The following XPNPEP2 variants were observed in gnomAD, a reference collection of about 807,000 sequenced individuals.
XPNPEP2 encodes the protein xaa-Pro aminopeptidase 2.
A neutral mutation model predicts 59.8 loss-of-function variants in XPNPEP2; 64 were observed. The ratio of observed to expected loss-of-function variants is 1.07; its 90% CI spans 0.87 to 1.32. XPNPEP2 has a LOEUF of 1.32. Among genes scored for constraint, XPNPEP2 ranks in the 40% most tolerant of loss-of-function variants. The pLI is 0.00. For synonymous variants in XPNPEP2, 235 were observed against 210.0 expected (o/e 1.12, Z -1.03); for missense variants, 575 against 546.8 (o/e 1.05, Z -0.51).
intron 1 of XPNPEP2, among the ~76,000 whole-genome samples, chrX:129,739,894 G>A (rs1274880400): frequency 4.5e-5 from 5 of 112,248 alleles, no homozygotes; most frequent in African/African-American, 6.5e-5. Context: ...TCATTCCTGC[G>A]GCACCCTCTC....
chrX:129,740,871 G>A (rs756292907), intron 1 of XPNPEP2, among the ~76,000 whole-genome samples: 124 of 106,616 alleles, frequency 1.2e-3, no homozygotes, highest in Non-Finnish European at 1.0e-3. Context: ...GAACCCGGGA[G>A]GCGGAGGTTG....
At chrX:129,749,557 T>C (rs191794393) in intron 7 of XPNPEP2, among the ~76,000 whole-genome samples, 1 of 113,594 alleles carries the variant, frequency 8.8e-6, no homozygotes, top group African/African-American at 3.2e-5. Flanking sequence ...TATGCTCATA[T>C]CTGAACCCAA....
rs954781336 is a variant in XPNPEP2, at chrX:129,745,202, G to C, written c.235-1G>C. The C allele has an allele frequency of 8.3e-7, 1 of 1,211,601 alleles. No homozygotes were observed. The highest frequency in any genetic ancestry group is 1.1e-6 in the Non-Finnish European group (1 of 895,466). On this transcript the variant is annotated splice_acceptor_variant, in intron 3 of 20. Coordinates refer to ENST00000371106, the MANE Select transcript of XPNPEP2 (RefSeq NM_003399.6). LOFTEE classifies it high-confidence loss of function. ...TAATGATGGTGTTGTTGATTTCCTA[G>C]AACGAGTACATCGGCCAACATGACG...
chrX:129,768,323 C>G lies in XPNPEP2; in HGVS notation c.1863C>G (p.Ile621Met). ...ACCTGAATCGCTACTACCAGACCAT[C>G]CGGGAGAAGGTGGGTCCAGAGCTGC... ...LQYLNRYYQTIREKVGPELQR... is the reference protein window; with the variant it reads ...LQYLNRYYQTMREKVGPELQR... The change falls in exon 21 of 21, where the codon ATC becomes ATG. Residue 621 changes from isoleucine to methionine, a missense_variant. Ile to Met is a conservative substitution (Grantham distance 10). Transcript: ENST00000371106. The G allele has an allele frequency of 8.4e-7, 1 of 1,196,470 alleles. No individual in the cohort carries two copies. Among genetic ancestry groups the G allele is most frequent in the Non-Finnish European group, 1.1e-6 (1 of 889,110 alleles).
intron 14 of XPNPEP2, among the ~76,000 whole-genome samples, chrX:129,757,940 AAAGAAAGAAAGAAAG>A (rs1926583754): frequency 9.3e-6 from 1 of 107,972 alleles, no homozygotes; most frequent in Non-Finnish European, 1.9e-5. Context: ...AGAAAGAAAG[AAAGAAAGAAAGAAAG>A]AAAGAAAAAG....
At position 129,750,542 on chromosome X, in the gene XPNPEP2, C is replaced by A. The variant is rs1316035895; in HGVS notation, c.712C>A (p.Leu238Ile). 1.0e-5 allele frequency: 12 copies of A among 1,188,487 alleles called. No individual in the cohort carries two copies. The highest frequency in any genetic ancestry group is 1.4e-5 in the Non-Finnish European group (12 of 884,619). The stretch of plus-strand genomic sequence containing the variant: ...GCATCAAAAGGTCCCGACTGCCGTC[C>A]TTCTGTCGGCGCTTGAGGAGACGGC... Reference protein sequence around the residue: ...QKHQKVPTAVLLSALEETAWL... With the variant: ...QKHQKVPTAVILSALEETAWL... Residue 238 changes from leucine to isoleucine, a missense_variant, in exon 8 of 21, where the codon CTT becomes ATT. By Grantham distance (5) the Leu-to-Ile change is conservative. Transcript: ENST00000371106.
intron 7 of XPNPEP2, 129 bp from the exon 8 acceptor site, chrX:129,750,339 G>T: frequency 2.0e-6 from 1 of 488,170 alleles, no homozygotes; most frequent in Non-Finnish European, 3.4e-6. Flanking sequence ...GTAAGAGTTT[G>T]TTTGAGGAAA....
Position 129,768,694 on chromosome X carries a change from C to T in XPNPEP2, c.*209C>T. ...TGGCCCCAGATGGCACCTCCCTGCACCCCGGGGTTGTATACCACACCCTGG... is the reference window on the plus strand; with the variant it reads ...TGGCCCCAGATGGCACCTCCCTGCATCCCGGGGTTGTATACCACACCCTGG... On this transcript the variant is annotated 3_prime_UTR_variant, in exon 21 of 21. Coordinates refer to ENST00000371106, the MANE Select transcript of XPNPEP2 (RefSeq NM_003399.6). The T allele has an allele frequency of 3.0e-6, 1 of 336,798 alleles. No individual in the cohort carries two copies. The highest frequency in any genetic ancestry group is 5.1e-6 in the Non-Finnish European group (1 of 197,627). 27.8% of individuals were successfully genotyped at this position (336,798 alleles called of 1,213,427 possible). A position where few individuals can be genotyped will look rare whatever the true frequency, so the allele number is the denominator to read the frequency against.
rs750652451 is a variant in XPNPEP2 at position 129,760,579 on chromosome X, C to G, written c.1496C>G (p.Ser499Ter). 34 of 1,210,464 alleles carry G rather than the reference C, an allele frequency of 2.8e-5. No individual in the cohort carries two copies. The South Asian group carries it at 5.6e-4, about 20-fold the overall frequency. ...AGGCTCATCTTTCCCGCTGCTACAT[C>G]AGGTGGGTTTCAGAAACCAGTCTGG... ...LSRLIFPAATSGRMVEAFARR... is the reference protein window; with the variant it reads ...LSRLIFPAAT The change falls in exon 16 of 21, where the codon TCA becomes TGA. Residue 499 changes from serine (S) to a stop codon, truncating the protein, a stop_gained and splice_region_variant. Transcript: ENST00000371106. LOFTEE classifies it high-confidence loss of function.
rs775662659 is a variant in XPNPEP2 at position 129,768,718 on chromosome X, G to A, written c.*233G>A. The A allele has an allele frequency of 6.7e-6, 2 of 296,732 alleles. No homozygotes were observed. Among genetic ancestry groups the A allele is most frequent in the Non-Finnish European group, 1.2e-5 (2 of 171,273 alleles). The allele number at this position is 296,732 out of a possible 1,213,427, so 24.5% of individuals were successfully genotyped here. Reference sequence around the variant, plus strand: ...ACCCCGGGGTTGTATACCACACCCTGGGCCCCTAATCCCAGGCCCCGAGAT... The same window carrying A: ...ACCCCGGGGTTGTATACCACACCCTAGGCCCCTAATCCCAGGCCCCGAGAT... On this transcript the variant is annotated 3_prime_UTR_variant, in exon 21 of 21. Transcript: ENST00000371106.
At chrX:129,746,479 C>A in intron 5 of XPNPEP2, 116 bp from the exon 6 acceptor site, 2 of 952,307 alleles carry the variant, frequency 2.1e-6, no homozygotes, top group Non-Finnish European at 3.0e-6. Context: ...CACTGACTTT[C>A]AAGGCTGATC....
rs757937250 is a variant in XPNPEP2, at chrX:129,744,011, C to T, written c.174C>T (p.Arg58=). 1.7e-6 allele frequency: 2 copies of T among 1,212,036 alleles called. No homozygotes were observed. Among genetic ancestry groups the T allele is most frequent in the Admixed American group, 4.3e-5 (2 of 46,078 alleles). Residue 58 remains arginine (R), a synonymous_variant, in exon 3 of 21, where the codon CGC becomes CGT. Coordinates refer to ENST00000371106, the MANE Select transcript of XPNPEP2 (RefSeq NM_003399.6). The part of the protein sequence containing the change: ...VNTTMSLTAL[R]QQMQTQNLSA... ...CCACAATGTCACTCACAGCCCTCCG[C>T]CAGCAGATGCAGACCCAGAATCTCT...
chrX:129,760,917 G>C lies in XPNPEP2; in HGVS notation c.1499-255G>C, dbSNP rs2076206. Among the ~76,000 whole-genome samples the C allele has an allele frequency of 4.1e-4, 46 of 112,251 alleles. No homozygotes were observed. In the East Asian group the frequency reaches 0.013, roughly 31 times the overall value. On this transcript the variant is annotated intron_variant, in intron 16 of 20. Transcript: ENST00000371106. ...TGACAGATGGGGAGAAATTACAGTAGAGGCATCAATTCAGGTAATGGATAC... is the reference window on the plus strand; with the variant it reads ...TGACAGATGGGGAGAAATTACAGTACAGGCATCAATTCAGGTAATGGATAC...
chrX:129,761,058 G>A, intron 16 of XPNPEP2, 114 bp from the exon 17 acceptor site: 1 of 645,353 alleles, frequency 1.5e-6, no homozygotes, highest in Non-Finnish European at 2.4e-6. Flanking sequence ...ATGCTTAGCG[G>A]CCTCTCAGGG....
rs755697320 is a variant in XPNPEP2, at chrX:129,755,902, G to A, written c.1295+531G>A. 8.0e-5 allele frequency among the ~76,000 whole-genome samples: 9 copies of A among 112,602 alleles called. No homozygotes were observed. In the South Asian group the frequency reaches 1.8e-3, roughly 23 times the overall value. ...CCTGGTGTCCCCTGGTGTCTCCCACGCCTTCGGCTGCCTTGCCCCAGCCCC... is the reference window on the plus strand; with the variant it reads ...CCTGGTGTCCCCTGGTGTCTCCCACACCTTCGGCTGCCTTGCCCCAGCCCC... On this transcript the variant is annotated intron_variant, in intron 13 of 20. Coordinates refer to ENST00000371106, the MANE Select transcript of XPNPEP2 (RefSeq NM_003399.6).
intron 14 of XPNPEP2, among the ~76,000 whole-genome samples, chrX:129,757,800 AAAGAAAG>A (rs1418914322): frequency 4.0e-5 from 2 of 50,332 alleles, no homozygotes; most frequent in Non-Finnish European, 7.1e-5. Context: ...TAAAAGGAAG[AAAGAAAG>A]AAAGAAAGAA....
At chrX:129,745,874 G>C (rs746433857) in intron 4 of XPNPEP2, among the ~76,000 whole-genome samples, 37 of 110,771 alleles carry the variant, frequency 3.3e-4, no homozygotes, top group Non-Finnish European at 5.5e-4. Flanking sequence ...GATTATTCTT[G>C]CCCAGCAGTC....
rs374923465 is a variant in XPNPEP2 at position 129,753,369 on chromosome X, G to A, written c.1107+121G>A. On this transcript the variant is annotated intron_variant, in intron 11 of 20. Transcript: ENST00000371106. Reference sequence around the variant, plus strand: ...AATGAAACAAAGAAGCAAGCTGGGCGCGGTGGCTCACGCCTGTAATCCTAG... The same window carrying A: ...AATGAAACAAAGAAGCAAGCTGGGCACGGTGGCTCACGCCTGTAATCCTAG... 65 of 677,596 alleles carry A rather than the reference G, an allele frequency of 9.6e-5. No individual in the cohort carries two copies. The African/African-American group carries it at 1.2e-3, about 12-fold the overall frequency. 55.8% of individuals were successfully genotyped at this position (677,596 alleles called of 1,213,427 possible). A position where few individuals can be genotyped will look rare whatever the true frequency, so the allele number is the denominator to read the frequency against.
At chrX:129,755,557 G>T (rs995974724) in intron 13 of XPNPEP2, among the ~76,000 whole-genome samples, 186 bp downstream of exon 13, 2 of 111,757 alleles carry the variant, frequency 1.8e-5, no homozygotes, top group African/African-American at 6.5e-5. Flanking sequence ...TAATGAAAAG[G>T]CCTGAGAGCT....
Sources: gnomAD v4.1 joint callset for allele counts (sites outside exome capture counted in the v4.1 genomes callset) on GRCh38, gnomAD v4.1.1 for gene constraint, MANE v1.5 for transcripts, NCBI Gene and HGNC (gene_info 2026-07-23, HGNC 2026-07-21) for gene names.